The following NME5 variants were observed in gnomAD, a reference collection of about 807,000 sequenced individuals.
NME5 encodes the protein nucleoside diphosphate kinase 5.
In NME5, 18 loss-of-function variants were observed where a neutral mutation model predicts 21.6. The ratio of observed to expected loss-of-function variants is 0.83; its 90% CI spans 0.58 to 1.24. NME5 has a LOEUF of 1.24. NME5 is among the 50% of genes most tolerant of loss of function. The probability of loss-of-function intolerance (pLI) is 0.00; values close to 1 mark genes in which losing one functional copy is unlikely to be tolerated. For missense variants in NME5, 223 were observed against 255.4 expected (o/e 0.87, Z 0.86); for synonymous variants, 70 against 80.6 (o/e 0.87, Z 0.71).
At chr5:138,135,178 C>T (rs1273763566) in intron 2 of NME5, among the ~76,000 whole-genome samples, 2 of 145,248 alleles carry the variant, frequency 1.4e-5, no homozygotes, top group African/African-American at 2.5e-5. Context: ...GTTAGCTGGG[C>T]GTGGTGGAGG....
At chr5:138,121,588 A>C (rs2151159752) in intron 4 of NME5, among the ~76,000 whole-genome samples, 1 of 152,238 alleles carries the variant, frequency 6.6e-6, no homozygotes, top group Middle Eastern at 3.4e-3. Context: ...CCTTTGTTGA[A>C]AGTGAATTGA....
Position 138,115,762 on chromosome 5 carries a change from A to G in NME5, c.558T>C (p.Ile186=). ...TTTTCAGCAGCCAATCAGCTAGCCA[A>G]ATCTATGGGAAAAAAAAAAACAACC... ...LCKQKPADPL[I]WLADWLLKNN... Residue 186 remains isoleucine, a splice_region_variant and synonymous_variant, in exon 6 of 6, where the codon ATT becomes ATC. Transcript: ENST00000265191. 1 of 1,570,990 alleles carries G rather than the reference A, an allele frequency of 6.4e-7. No individual in the cohort carries two copies. Among genetic ancestry groups the G allele is most frequent in the African/African-American group, 1.4e-5 (1 of 72,554 alleles).
intron 4 of NME5, 24 bp downstream of exon 4, chr5:138,128,455 A>C (rs368394515): frequency 1.3e-6 from 2 of 1,542,220 alleles, no homozygotes; most frequent in African/African-American, 2.7e-5. Flanking sequence ...GATGCAGTTG[A>C]CAAGTTAGTC....
chr5:138,115,916 G>T (rs1751147689), intron 5 of NME5, 152 bp from the exon 6 acceptor site: 1 of 523,804 alleles, frequency 1.9e-6, no homozygotes, highest in Non-Finnish European at 3.3e-6. Flanking sequence ...CATTATGCAA[G>T]ATTGTCAAGA....
At chr5:138,122,311 G>T (rs1751302109) in intron 4 of NME5, among the ~76,000 whole-genome samples, 1 of 151,402 alleles carries the variant, frequency 6.6e-6, no homozygotes, top group East Asian at 2.0e-4. Context: ...GTGGTGGTGG[G>T]CGCCTGTAAT....
chr5:138,133,357 G>A (rs531554041), intron 2 of NME5, among the ~76,000 whole-genome samples: 3 of 151,664 alleles, frequency 2.0e-5, no homozygotes, highest in Non-Finnish European at 4.4e-5. Flanking sequence ...CTGCCGCCTC[G>A]GCCTCTCAAA....
chr5:138,122,239 G>C (rs891192897), intron 4 of NME5, among the ~76,000 whole-genome samples: 19 of 151,740 alleles, frequency 1.3e-4, no homozygotes, highest in Admixed American at 1.3e-3. Context: ...AGGAGTTTGA[G>C]ACCAGCCTGC....
intron 4 of NME5, among the ~76,000 whole-genome samples, chr5:138,120,261 GTCTT>G (rs1416250823): frequency 3.2e-5 from 4 of 126,102 alleles, no homozygotes; most frequent in Non-Finnish European, 4.8e-5. Context: ...TTGAGACAGA[GTCTT>G]TCTCTGTCGC....
In NME5 at chr5:138,128,471, T is replaced by C. The variant is rs1581382175; in HGVS notation, c.436+8A>G. 1 of 1,604,596 alleles carries C rather than the reference T, an allele frequency of 6.2e-7. No homozygotes were observed. Among genetic ancestry groups the C allele is most frequent in the Non-Finnish European group, 8.5e-7 (1 of 1,173,068 alleles). On this transcript the variant is annotated splice_region_variant and intron_variant, in intron 4 of 5. Transcript: ENST00000265191. ...ATGCAGTTGACAAGTTAGTCATCTG[T>C]AACTCACCTTCAGGAAACATAAAAC...
chr5:138,131,405 A>G (rs1408686936), intron 2 of NME5, among the ~76,000 whole-genome samples: 2 of 151,104 alleles, frequency 1.3e-5, no homozygotes, highest in Non-Finnish European at 3.0e-5. Flanking sequence ...AAAAATTAGT[A>G]AGGCGTGGTG....
At chr5:138,118,985 C>G in intron 4 of NME5, 49 bp from the exon 5 acceptor site, 5 of 1,047,000 alleles carry the variant, frequency 4.8e-6, no homozygotes, top group South Asian at 1.4e-5. Context: ...TGATTAAATA[C>G]TATACAATCA....
chr5:138,123,891 T>C (rs1751340057), intron 4 of NME5, among the ~76,000 whole-genome samples: 1 of 152,028 alleles, frequency 6.6e-6, no homozygotes, highest in Non-Finnish European at 1.5e-5. Flanking sequence ...AATATTTACC[T>C]TTTTTTCTTT....
chr5:138,135,052 C>T (rs1031766428), intron 2 of NME5, among the ~76,000 whole-genome samples: 1 of 148,564 alleles, frequency 6.7e-6, no homozygotes, highest in Non-Finnish European at 1.5e-5. Context: ...GGCATAGTGG[C>T]TCACGCCTGT....
At chr5:138,128,011 T>C (rs921430275) in intron 4 of NME5, among the ~76,000 whole-genome samples, 4 of 152,146 alleles carry the variant, frequency 2.6e-5, no homozygotes, top group African/African-American at 9.7e-5. Context: ...CACAGGCATC[T>C]GAGAGTATGC....
chr5:138,130,038 C>A (rs1751525754), intron 2 of NME5, among the ~76,000 whole-genome samples: 1 of 152,204 alleles, frequency 6.6e-6, no homozygotes, highest in Admixed American at 6.5e-5. Context: ...AATAACACTT[C>A]AATTAACAAA....
chr5:138,121,161 T>A (rs908702517), intron 4 of NME5, among the ~76,000 whole-genome samples: 2 of 147,728 alleles, frequency 1.4e-5, no homozygotes, highest in Non-Finnish European at 1.5e-5. Flanking sequence ...CTCTGTCTCT[T>A]AAAAAAAAAA....
At chr5:138,125,395 T>C (rs1751374091) in intron 4 of NME5, among the ~76,000 whole-genome samples, 1 of 152,130 alleles carries the variant, frequency 6.6e-6, no homozygotes, top group Non-Finnish European at 1.5e-5. Flanking sequence ...CTGGGTAATG[T>C]AGTGAGACCC....
At chr5:138,138,498 T>A in intron 2 of NME5, 154 bp downstream of exon 2, 1 of 619,790 alleles carries the variant, frequency 1.6e-6, no homozygotes, top group South Asian at 2.3e-5. Flanking sequence ...TACATCCTTT[T>A]AAAAACTATC....
Position 138,128,413 on chromosome 5 carries a change from C to T in NME5, c.436+66G>A, listed in dbSNP as rs1028610941. On this transcript the variant is annotated intron_variant, in intron 4 of 5. Transcript: ENST00000265191. ...TTTTATCTTCCTTCCCAGCTATATC[C>T]GCAAAATAAAAGAAAAAGCAAACAA... 17 of 1,210,942 alleles carry T rather than the reference C, an allele frequency of 1.4e-5. No individual in the cohort carries two copies. In the East Asian group the frequency reaches 2.2e-4, roughly 15 times the overall value. The allele number at this position is 1,210,942 out of a possible 1,614,324, so 75.0% of individuals were successfully genotyped here. A position where few individuals can be genotyped will look rare whatever the true frequency, so the allele number is the denominator to read the frequency against.
Sources: gnomAD v4.1 joint callset for allele counts (sites outside exome capture counted in the v4.1 genomes callset) on GRCh38, gnomAD v4.1.1 for gene constraint, MANE v1.5 for transcripts, NCBI Gene and HGNC (gene_info 2026-07-23, HGNC 2026-07-21) for gene names.